SZRD1: variants seen among roughly 807,000 people sequenced by gnomAD.
SZRD1 encodes SUZ RNA binding domain containing 1.
A neutral mutation model predicts 17.6 loss-of-function variants in SZRD1; 7 were observed. The observed-to-expected ratio is 0.40, with a 90% confidence interval of 0.23 to 0.75. SZRD1 has a LOEUF of 0.75. Ranked by LOEUF, SZRD1 falls within the 30% of genes least tolerant of loss-of-function variation. SZRD1 has a pLI of 0.38. For missense variants in SZRD1, 178 were observed against 201.8 expected, an observed-to-expected ratio of 0.88 and a Z score of 0.71; for synonymous variants, 77 against 77.9, an observed-to-expected ratio of 0.99 and a Z score of 0.06.
chr1:16,389,109 A>T lies in SZRD1; in HGVS notation c.52-2266A>T, dbSNP rs528842486. Among the ~76,000 whole-genome samples, 162 of 134,842 alleles carry T rather than the reference A, an allele frequency of 1.2e-3. 1 individual carries two copies. The highest frequency in any genetic ancestry group is 4.4e-3 in the African/African-American group (156 of 35,344). 88.5% of individuals were successfully genotyped at this position (134,842 alleles called of 152,430 possible). ...TTTTTTTTTTTTTTTTTTGAGACAGAGTCTCGCTCTGTCGCCCAGGCTGGA... is the reference window on the plus strand; with the variant it reads ...TTTTTTTTTTTTTTTTTTGAGACAGTGTCTCGCTCTGTCGCCCAGGCTGGA... On this transcript the variant is annotated intron_variant, in intron 1 of 3. Transcript: ENST00000401088.
Position 16,383,335 on chromosome 1 carries a change from A to C in SZRD1, c.52-8040A>C, listed in dbSNP as rs149306230. ...TGGACTTAAGCAATCCTCCCACTTCAGCAGCCTCCCAAGTAGCTGGGACTA... is the reference window on the plus strand; with the variant it reads ...TGGACTTAAGCAATCCTCCCACTTCCGCAGCCTCCCAAGTAGCTGGGACTA... On this transcript the variant is annotated intron_variant, in intron 1 of 3. Coordinates refer to ENST00000401088, the MANE Select transcript of SZRD1 (RefSeq NM_001114600.3). Among the ~76,000 whole-genome samples the C allele has an allele frequency of 2.1e-3, 315 of 151,712 alleles. 1 individual carries two copies. The highest frequency in any genetic ancestry group is 7.3e-3 in the African/African-American group (301 of 41,354).
At chr1:16,385,328 C>A (rs61770603) in intron 1 of SZRD1, among the ~76,000 whole-genome samples, 11 of 152,056 alleles carry the variant, frequency 7.2e-5, no homozygotes, top group Admixed American at 3.9e-4. Flanking sequence ...CCCCCTCTGA[C>A]CCTTGTAGTG....
chr1:16,391,521 C>A lies in SZRD1; in HGVS notation c.101+97C>A. 9.5e-7 allele frequency: 1 copy of A among 1,055,382 alleles called. No individual in the cohort carries two copies. The highest frequency in any genetic ancestry group is 1.4e-5 in the South Asian group (1 of 69,982). 65.4% of individuals were successfully genotyped at this position (1,055,382 alleles called of 1,614,324 possible). On this transcript the variant is annotated intron_variant, in intron 2 of 3. Transcript: ENST00000401088. This position sits in a 1 kb window ranked among gnomAD's most constrained non-coding sequence, Gnocchi z 4.3. ...CAGCTGGCCATTAGGATTAGCAGGT[C>A]CTAGCAGGTCAGGCTCTGGGGCAGC...
chr1:16,386,012 C>T (rs1162663798), intron 1 of SZRD1, among the ~76,000 whole-genome samples: 2 of 152,130 alleles, frequency 1.3e-5, no homozygotes, highest in Admixed American at 6.6e-5. Flanking sequence ...AGCTTGTGTC[C>T]CATTTCTGTA....
chr1:16,370,785 A>G (rs2082901422), intron 1 of SZRD1, among the ~76,000 whole-genome samples: 1 of 152,160 alleles, frequency 6.6e-6, no homozygotes, highest in South Asian at 2.1e-4. Flanking sequence ...TATAGGCATG[A>G]GCCACTGCCC....
At chr1:16,374,049 A>G (rs910628362) in intron 1 of SZRD1, among the ~76,000 whole-genome samples, 2 of 152,088 alleles carry the variant, frequency 1.3e-5, no homozygotes, top group Non-Finnish European at 2.9e-5. Flanking sequence ...AACATGTACA[A>G]CAAAACAACA....
chr1:16,378,701 C>G (rs1481556192), intron 1 of SZRD1, among the ~76,000 whole-genome samples: 1 of 152,064 alleles, frequency 6.6e-6, no homozygotes, highest in Non-Finnish European at 1.5e-5. Context: ...GGTGTAGCAG[C>G]AGGCTGGGAT....
chr1:16,369,177 C>T, intron 1 of SZRD1: 1 of 466,776 alleles, frequency 2.1e-6, no homozygotes, highest in Non-Finnish European at 3.9e-6. Flanking sequence ...CCTCTTTGTC[C>T]TGGTTAATCT....
At chr1:16,369,082 TTTC>T (rs1293005428) in intron 1 of SZRD1, 1 of 324,176 alleles carries the variant, frequency 3.1e-6, no homozygotes, top group African/African-American at 2.2e-5. Flanking sequence ...TCGCGTGTTC[TTTC>T]TTTTTTCTTT....
In SZRD1 at chr1:16,367,264, G is replaced by A; in HGVS notation, c.7G>A (p.Asp3Asn). 6.5e-7 allele frequency: 1 copy of A among 1,548,748 alleles called. No homozygotes were observed. Among genetic ancestry groups the A allele is most frequent in the Non-Finnish European group, 8.7e-7 (1 of 1,146,542 alleles). Residue 3 changes from aspartate to asparagine, a missense_variant, in exon 1 of 4, where the codon GAT (aspartate) becomes AAT (asparagine). Physicochemically the swap from Asp to Asn is conservative, Grantham distance 23. Transcript: ENST00000401088. The stretch of plus-strand genomic sequence containing the variant: ...AGGGAAAGCGGCGAGTAAGATGGAA[G>A]ATGAGGAGGTCGCTGAGAGCTGGGA... MEDEEVAESWEEA... is the reference protein window; with the variant it reads MENEEVAESWEEA...
Position 16,391,306 on chromosome 1 carries a change from A to G in SZRD1, c.52-69A>G. Reference sequence around the variant, plus strand: ...GAGAAAGGACACTGCCCTTAGCTCCAAAAATAAAGACTAAGTTTTTATTTG... The same window carrying G: ...GAGAAAGGACACTGCCCTTAGCTCCGAAAATAAAGACTAAGTTTTTATTTG... On this transcript the variant is annotated intron_variant, in intron 1 of 3. Transcript: ENST00000401088. The surrounding 1 kb of genome is among the most constrained non-coding windows in gnomAD (Gnocchi z 4.3). 8.1e-7 allele frequency: 1 copy of G among 1,237,428 alleles called. No homozygotes were observed. Among genetic ancestry groups the G allele is most frequent in the Admixed American group, 2.1e-5 (1 of 48,246 alleles). 76.7% of individuals were successfully genotyped at this position (1,237,428 alleles called of 1,614,324 possible).
At chr1:16,370,052 C>T (rs2100687999) in intron 1 of SZRD1, among the ~76,000 whole-genome samples, 1 of 152,136 alleles carries the variant, frequency 6.6e-6, no homozygotes, top group East Asian at 1.9e-4. Context: ...GACAAGGAAA[C>T]GGAGGTTTCG....
chr1:16,387,431 A>G, intron 1 of SZRD1: 1 of 448,632 alleles, frequency 2.2e-6, no homozygotes, highest in Admixed American at 2.4e-5. Flanking sequence ...TGAAAGTGAA[A>G]GTTCACATAG....
chr1:16,389,617 T>C (rs893713467), intron 1 of SZRD1, among the ~76,000 whole-genome samples: 5 of 150,078 alleles, frequency 3.3e-5, no homozygotes, highest in African/African-American at 9.8e-5. Flanking sequence ...GGCCAATTTT[T>C]TGTATTTTTA....
chr1:16,371,991 A>G (rs1230329134), intron 1 of SZRD1, among the ~76,000 whole-genome samples: 2 of 152,178 alleles, frequency 1.3e-5, no homozygotes, highest in Non-Finnish European at 1.5e-5. Flanking sequence ...TGTTTCCTGT[A>G]TAGCTTCCGA....
chr1:16,384,323 G>A (rs2083153104), intron 1 of SZRD1, among the ~76,000 whole-genome samples: 1 of 149,988 alleles, frequency 6.7e-6, no homozygotes, highest in African/African-American at 2.5e-5. Flanking sequence ...AGGATCACTT[G>A]AGCCCACAGT....
intron 1 of SZRD1, among the ~76,000 whole-genome samples, chr1:16,372,903 G>A (rs2082937553): frequency 6.6e-6 from 1 of 152,164 alleles, no homozygotes. Flanking sequence ...GCATAAGTGG[G>A]GTACCATGGC....
intron 1 of SZRD1, among the ~76,000 whole-genome samples, chr1:16,384,130 T>C (rs2083150707): frequency 6.6e-6 from 1 of 152,114 alleles, no homozygotes; most frequent in African/African-American, 2.4e-5. Context: ...GTCCTAGTCA[T>C]ACCAGGCCAG....
At chr1:16,384,343 G>A (rs1352263939) in intron 1 of SZRD1, among the ~76,000 whole-genome samples, 1 of 148,264 alleles carries the variant, frequency 6.7e-6, no homozygotes, top group African/African-American at 2.5e-5. Flanking sequence ...TTCAAGAGCA[G>A]CCTGGAGAAC....
Sources: allele counts gnomAD v4.1 joint callset (sites outside exome capture counted in the v4.1 genomes callset), GRCh38; gene constraint gnomAD v4.1.1; non-coding constraint Gnocchi (gnomAD v3.1); transcripts MANE v1.5; gene names NCBI Gene and HGNC (gene_info 2026-07-23, HGNC 2026-07-21).